The following PACRG variants were observed in gnomAD, a reference collection of about 807,000 sequenced individuals.
PACRG encodes the protein parkin coregulated gene protein.
PACRG carries 29 observed loss-of-function variants against 29.7 expected under a neutral mutation model. The ratio of observed to expected loss-of-function variants is 0.98; its 90% CI spans 0.73 to 1.33. The LOEUF (loss-of-function observed/expected upper bound fraction) is 1.33, where lower values mean the gene tolerates loss of function less well. Among genes scored for constraint, PACRG ranks in the 40% most tolerant of loss-of-function variants. The pLI is 0.00. For synonymous variants in PACRG, 116 were observed against 118.7 expected (o/e 0.98, Z 0.15); for missense variants, 279 against 316.2 (o/e 0.88, Z 0.89).
At chr6:163,308,404 G>A (rs915758078) in intron 4 of PACRG, among the ~76,000 whole-genome samples, 1 of 152,302 alleles carries the variant, frequency 6.6e-6, no homozygotes, top group Non-Finnish European at 1.5e-5. Context: ...GGTGGCTCAC[G>A]CCTGTGATCC....
intron 2 of PACRG, among the ~76,000 whole-genome samples, chr6:162,837,609 A>T (rs570669817): frequency 5.9e-5 from 9 of 152,322 alleles, no homozygotes; most frequent in African/African-American, 2.2e-4. Context: ...GGAAAAATTA[A>T]CAAGCAAGGA....
intron 3 of PACRG, among the ~76,000 whole-genome samples, chr6:163,082,952 T>G (rs1813215794): frequency 2.6e-5 from 4 of 152,214 alleles, no homozygotes; most frequent in Non-Finnish European, 4.4e-5. Context: ...ACTGCTAGGT[T>G]AGCTGTTTTA....
chr6:162,807,628 C>A (rs1368914629), intron 1 of PACRG, among the ~76,000 whole-genome samples: 4 of 151,990 alleles, frequency 2.6e-5, no homozygotes, highest in Non-Finnish European at 5.9e-5. Flanking sequence ...TGGTACTCCC[C>A]CAAAATCACA....
Position 163,195,334 on chromosome 6 carries a change from G to C in PACRG, c.613+105926G>C, listed in dbSNP as rs1456947968. Among the ~76,000 whole-genome samples, 3 of 152,142 alleles carry C rather than the reference G, an allele frequency of 2.0e-5. No individual in the cohort carries two copies. The East Asian group carries it at 5.8e-4, about 29-fold the overall frequency. Reference sequence around the variant, plus strand: ...GTCTTGAAGCTGTTGCATCCAAAGAGAGTGCTGCCAAAGAGAAGTTTAACC... The same window carrying C: ...GTCTTGAAGCTGTTGCATCCAAAGACAGTGCTGCCAAAGAGAAGTTTAACC... On this transcript the variant is annotated intron_variant, in intron 4 of 4. Coordinates refer to ENST00000366888, the MANE Select transcript of PACRG (RefSeq NM_001080379.2).
intron 2 of PACRG, among the ~76,000 whole-genome samples, chr6:163,025,810 G>T (rs994865503): frequency 6.6e-6 from 1 of 152,240 alleles, no homozygotes; most frequent in Non-Finnish European, 1.5e-5. Context: ...CCAGGGGGCA[G>T]GCCCAGGACC....
intron 2 of PACRG, among the ~76,000 whole-genome samples, chr6:163,023,943 A>G (rs1158931356): frequency 6.6e-6 from 1 of 151,976 alleles, no homozygotes; most frequent in Non-Finnish European, 1.5e-5. Flanking sequence ...TGCTTGTTCA[A>G]TTGTTTAAGT....
intron 2 of PACRG, among the ~76,000 whole-genome samples, chr6:162,986,339 G>A (rs1183389678): frequency 2.0e-5 from 3 of 152,124 alleles, no homozygotes; most frequent in Non-Finnish European, 4.4e-5. Context: ...CACCAAAACA[G>A]CATTGTACTG....
intron 1 of PACRG, among the ~76,000 whole-genome samples, chr6:162,752,158 A>T (rs1420028840): frequency 6.6e-6 from 1 of 152,210 alleles, no homozygotes; most frequent in African/African-American, 2.4e-5. Flanking sequence ...ATCTGATGCT[A>T]AAGACAGCCT....
chr6:162,924,022 T>C (rs117230600), intron 2 of PACRG, among the ~76,000 whole-genome samples: 2 of 152,196 alleles, frequency 1.3e-5, no homozygotes, highest in African/African-American at 2.4e-5. Context: ...GCATGAGATA[T>C]CTTTTCTTTT....
At position 162,920,939 on chromosome 6, in the gene PACRG, C is replaced by T. The variant is rs560192632; in HGVS notation, c.291+106658C>T. Among the ~76,000 whole-genome samples the T allele has an allele frequency of 2.0e-5, 3 of 152,102 alleles. No homozygotes were observed. The East Asian group carries it at 5.8e-4, about 29-fold the overall frequency. On this transcript the variant is annotated intron_variant, in intron 2 of 4. Coordinates refer to ENST00000366888, the MANE Select transcript of PACRG (RefSeq NM_001080379.2). Reference sequence around the variant, plus strand: ...TAAATGCTGTTCATATTATATCTGCCTAAGGCTTTCATAAAAACAGTTAAT... The same window carrying T: ...TAAATGCTGTTCATATTATATCTGCTTAAGGCTTTCATAAAAACAGTTAAT...
In PACRG at chr6:163,118,913, A is replaced by G. The variant is rs555884160; in HGVS notation, c.613+29505A>G. ...CATAGAGACTCGGAAAAACTCTGAAAACAGAACACATAAAGCTTTAGGATA... is the reference window on the plus strand; with the variant it reads ...CATAGAGACTCGGAAAAACTCTGAAGACAGAACACATAAAGCTTTAGGATA... On this transcript the variant is annotated intron_variant, in intron 4 of 4. Coordinates refer to ENST00000366888, the MANE Select transcript of PACRG (RefSeq NM_001080379.2). 1.6e-3 allele frequency among the ~76,000 whole-genome samples: 239 copies of G among 152,330 alleles called. 2 individuals carry two copies. The highest frequency in any genetic ancestry group is 5.6e-3 in the African/African-American group (234 of 41,584).
intron 4 of PACRG, among the ~76,000 whole-genome samples, chr6:163,201,062 G>A (rs1213627412): frequency 1.3e-5 from 2 of 152,156 alleles, no homozygotes; most frequent in Non-Finnish European, 2.9e-5. Flanking sequence ...CTCTGTTCAC[G>A]TTTTTCAAAT....
chr6:163,309,767 G>C (rs908685458), intron 4 of PACRG, among the ~76,000 whole-genome samples: 1 of 152,178 alleles, frequency 6.6e-6, no homozygotes, highest in Non-Finnish European at 1.5e-5. Context: ...CTCCTCCCGT[G>C]GACCTGACAA....
In PACRG at chr6:162,911,783, G is replaced by C. The variant is rs550999895; in HGVS notation, c.291+97502G>C. On this transcript the variant is annotated intron_variant, in intron 2 of 4. Transcript: ENST00000366888. ...GGGAGAGGGTAAACCAAGTGATAAT[G>C]CTGTGACCTAGGGCTAGTGGCAGCT... 2.6e-5 allele frequency among the ~76,000 whole-genome samples: 4 copies of C among 152,286 alleles called. No individual in the cohort carries two copies. The South Asian group carries it at 8.3e-4, about 32-fold the overall frequency.
At chr6:162,824,130 A>G (rs987503582) in intron 2 of PACRG, among the ~76,000 whole-genome samples, 3 of 152,174 alleles carry the variant, frequency 2.0e-5, no homozygotes, top group African/African-American at 7.2e-5. Flanking sequence ...ATGTGGTACC[A>G]GAAATCTCTG....
intron 3 of PACRG, among the ~76,000 whole-genome samples, chr6:163,072,618 CAA>C (rs1452325973): frequency 6.6e-6 from 1 of 151,928 alleles, no homozygotes; most frequent in Non-Finnish European, 1.5e-5. Flanking sequence ...GGCAATCAGA[CAA>C]GAGAAAGAGA....
chr6:163,121,236 C>T (rs528962542), intron 4 of PACRG, among the ~76,000 whole-genome samples: 1 of 152,262 alleles, frequency 6.6e-6, no homozygotes, highest in African/African-American at 2.4e-5. Flanking sequence ...TATAAAGGAC[C>T]TTATAAACCA....
chr6:162,777,635 G>T lies in PACRG; in HGVS notation c.157-36512G>T, dbSNP rs927631393. 1.3e-5 allele frequency among the ~76,000 whole-genome samples: 2 copies of T among 152,018 alleles called. No homozygotes were observed. Among genetic ancestry groups the T allele is most frequent in the Admixed American group, 1.3e-4 (2 of 15,276 alleles). Reference sequence around the variant, plus strand: ...GCCAAAGTAGACTCCTTTGAGTTTTGGGATTTTTTTAATTTGGTGCCTGTG... The same window carrying T: ...GCCAAAGTAGACTCCTTTGAGTTTTTGGATTTTTTTAATTTGGTGCCTGTG... On this transcript the variant is annotated intron_variant, in intron 1 of 4. Coordinates refer to ENST00000366888, the MANE Select transcript of PACRG (RefSeq NM_001080379.2). This position sits in a 1 kb window ranked among gnomAD's most constrained non-coding sequence, Gnocchi z 4.0.
intron 4 of PACRG, among the ~76,000 whole-genome samples, chr6:163,207,674 T>C (rs1230175664): frequency 6.6e-6 from 1 of 152,166 alleles, no homozygotes; most frequent in Non-Finnish European, 1.5e-5. Flanking sequence ...TGTGCCCAGA[T>C]AGAATGGAGG....
Sources: allele counts gnomAD v4.1 joint callset (sites outside exome capture counted in the v4.1 genomes callset), GRCh38; gene constraint gnomAD v4.1.1; non-coding constraint Gnocchi (gnomAD v3.1); transcripts MANE v1.5; gene names NCBI Gene and HGNC (gene_info 2026-07-23, HGNC 2026-07-21).